CDH13: variants seen among roughly 807,000 people sequenced by gnomAD.
CDH13 encodes cadherin 13.
A neutral mutation model predicts 63.8 loss-of-function variants in CDH13; 24 were observed. That is an observed-to-expected ratio of 0.38 (90% CI 0.27 to 0.53). The LOEUF (loss-of-function observed/expected upper bound fraction) is 0.53. Among genes scored for constraint, CDH13 ranks in the 20% least tolerant of loss-of-function variants. CDH13 has a pLI of 0.85. For synonymous variants in CDH13, 503 were observed against 355.3 expected, an observed-to-expected ratio of 1.42 and a Z score of -4.67; for missense variants, 1,049 against 903.1, an observed-to-expected ratio of 1.16 and a Z score of -2.07.
intron 5 of CDH13, among the ~76,000 whole-genome samples, chr16:83,264,605 A>T (rs749202939): frequency 6.7e-4 from 101 of 151,762 alleles, no homozygotes; most frequent in Non-Finnish European, 1.1e-3. Context: ...CTTTAAGACT[A>T]ATGCAATAAC....
intron 10 of CDH13, among the ~76,000 whole-genome samples, chr16:83,724,243 C>T (rs1057369792): frequency 1.6e-5 from 2 of 121,432 alleles, no homozygotes; most frequent in Non-Finnish European, 3.9e-5. Context: ...ATGTGGAATG[C>T]ATGGGTGGAT....
At chr16:82,855,909 T>C (rs2039664395) in intron 1 of CDH13, among the ~76,000 whole-genome samples, 1 of 152,294 alleles carries the variant, frequency 6.6e-6, no homozygotes, top group South Asian at 2.1e-4. Flanking sequence ...CTTCCAACCT[T>C]TTGACACTGC....
chr16:83,386,307 C>G (rs1244001646), intron 6 of CDH13, among the ~76,000 whole-genome samples: 1 of 152,176 alleles, frequency 6.6e-6, no homozygotes, highest in African/African-American at 2.4e-5. Context: ...AGCATCAGGA[C>G]ATTGGCCACA....
intron 4 of CDH13, among the ~76,000 whole-genome samples, chr16:83,147,157 T>C (rs2036786252): frequency 6.6e-6 from 1 of 152,164 alleles, no homozygotes; most frequent in African/African-American, 2.4e-5. Flanking sequence ...ATTTTTGAGA[T>C]GTGTGAAGAG....
chr16:83,351,311 A>G (rs1456223411), intron 6 of CDH13, among the ~76,000 whole-genome samples: 2 of 125,066 alleles, frequency 1.6e-5, no homozygotes, highest in African/African-American at 6.3e-5. Flanking sequence ...AGGTAGATAT[A>G]TTTTTTAAAA....
At chr16:83,264,148 A>G (rs1907314327) in intron 5 of CDH13, among the ~76,000 whole-genome samples, 1 of 152,244 alleles carries the variant, frequency 6.6e-6, no homozygotes. Flanking sequence ...TAGATAGCAG[A>G]CATAGGGTAT....
intron 2 of CDH13, among the ~76,000 whole-genome samples, chr16:82,932,253 T>C (rs1180698301): frequency 6.6e-6 from 1 of 152,194 alleles, no homozygotes; most frequent in Non-Finnish European, 1.5e-5. Flanking sequence ...ACACTTATTC[T>C]AAAAAATTGT....
At chr16:82,742,165 G>A (rs150535782) in intron 1 of CDH13, among the ~76,000 whole-genome samples, 4 of 152,126 alleles carry the variant, frequency 2.6e-5, no homozygotes, top group African/African-American at 9.7e-5. Flanking sequence ...AAGAAATTAA[G>A]AGCACAAGAA....
chr16:83,200,410 A>C (rs1445462031), intron 4 of CDH13, among the ~76,000 whole-genome samples: 1 of 152,116 alleles, frequency 6.6e-6, no homozygotes, highest in Non-Finnish European at 1.5e-5. Context: ...CTCGTGTTCC[A>C]TGTCTCTAAG....
chr16:82,641,812 C>G (rs111598508), intron 1 of CDH13, among the ~76,000 whole-genome samples: 6 of 152,256 alleles, frequency 3.9e-5, no homozygotes, highest in African/African-American at 1.4e-4. Flanking sequence ...CAAGTCCCTG[C>G]TCTGGTGAGC....
intron 2 of CDH13, among the ~76,000 whole-genome samples, chr16:82,982,591 G>A (rs1388241023): frequency 6.6e-6 from 1 of 152,130 alleles, no homozygotes; most frequent in African/African-American, 2.4e-5. Context: ...TGATTTTCAG[G>A]CCAGTCTCAT....
chr16:82,655,876 T>G (rs529294433), intron 1 of CDH13, among the ~76,000 whole-genome samples: 1 of 152,246 alleles, frequency 6.6e-6, no homozygotes, highest in South Asian at 2.1e-4. Flanking sequence ...CATGGCTCAC[T>G]ACTCAAGTGC....
chr16:83,533,587 G>T (rs1335375755), intron 7 of CDH13, among the ~76,000 whole-genome samples: 1 of 150,148 alleles, frequency 6.7e-6, no homozygotes, highest in Non-Finnish European at 1.5e-5. Flanking sequence ...AGTTGTGGAA[G>T]TTGTGAGGAT....
In CDH13 at chr16:83,281,857, G is replaced by A. The variant is rs111887624; in HGVS notation, c.637-63005G>A. ...GAACCCAAGAAGCAAAGGTTGCAGT[G>A]AGCCGAGATTGCACCACTGCATTCT... On this transcript the variant is annotated intron_variant, in intron 5 of 13. Coordinates refer to ENST00000567109, the MANE Select transcript of CDH13 (RefSeq NM_001257.5). Among the ~76,000 whole-genome samples the A allele has an allele frequency of 4.6e-5, 7 of 152,138 alleles. 2 individuals are homozygous for A. The highest frequency in any genetic ancestry group is 1.3e-4 in the Admixed American group (2 of 15,272).
chr16:83,551,056 A>ATCTATC (rs33969753), intron 7 of CDH13, among the ~76,000 whole-genome samples: 46,331 of 148,276 alleles, frequency 0.31, 7,588 homozygotes, highest in Admixed American at 0.33. Context: ...TAAGTCATTT[A>ATCTATC]TATCTATCTA....
intron 4 of CDH13, among the ~76,000 whole-genome samples, chr16:83,129,216 C>G (rs1331084014): frequency 6.6e-6 from 1 of 152,102 alleles, no homozygotes; most frequent in Non-Finnish European, 1.5e-5. Flanking sequence ...GCTCTGGCCT[C>G]CAAACACCAC....
At chr16:82,888,215 G>A (rs2151217040) in intron 2 of CDH13, among the ~76,000 whole-genome samples, 1 of 152,274 alleles carries the variant, frequency 6.6e-6, no homozygotes, top group South Asian at 2.1e-4. Flanking sequence ...GCCATAGAAA[G>A]GCAAATCAGA....
chr16:83,174,319 T>C (rs938548125), intron 4 of CDH13, among the ~76,000 whole-genome samples: 31 of 152,152 alleles, frequency 2.0e-4, no homozygotes, highest in African/African-American at 7.0e-4. Context: ...ATGATGTTCA[T>C]ACATCCCATC....
intron 4 of CDH13, among the ~76,000 whole-genome samples, chr16:83,139,132 G>C (rs1396373086): frequency 1.3e-5 from 2 of 152,180 alleles, no homozygotes; most frequent in African/African-American, 2.4e-5. Flanking sequence ...TCTTCCCAGA[G>C]GTGACAGATC....
Sources: gnomAD v4.1 joint callset for allele counts (sites outside exome capture counted in the v4.1 genomes callset) on GRCh38, gnomAD v4.1.1 for gene constraint, MANE v1.5 for transcripts, NCBI Gene and HGNC (gene_info 2026-07-23, HGNC 2026-07-21) for gene names.